Variants in UBE4B observed in about 807,000 individuals in gnomAD.
The protein encoded by UBE4B is ubiquitination factor E4B, also known as ubiquitin conjugation factor E4 B.
Under a neutral mutation model 148.1 loss-of-function variants are expected in UBE4B, and 27 were observed. The ratio of observed to expected loss-of-function variants is 0.18; its 90% CI spans 0.13 to 0.25. UBE4B has a LOEUF of 0.25. Ranked by LOEUF, UBE4B falls within the 10% of genes least tolerant of loss-of-function variation. UBE4B has a pLI of 1.00. For missense variants in UBE4B, 1,170 were observed against 1,662.4 expected, an observed-to-expected ratio of 0.70 and a Z score of 5.15; for synonymous variants, 596 against 619.3, an observed-to-expected ratio of 0.96 and a Z score of 0.56.
intron 3 of UBE4B, among the ~76,000 whole-genome samples, chr1:10,097,682 T>C (rs1644950908): frequency 6.6e-6 from 1 of 151,958 alleles, no homozygotes; most frequent in Non-Finnish European, 1.5e-5. Context: ...TGGTGGCATG[T>C]ACCTGTAGTC....
At chr1:10,138,223 G>A (rs1184767116) in intron 17 of UBE4B, among the ~76,000 whole-genome samples, 1 of 151,434 alleles carries the variant, frequency 6.6e-6, no homozygotes, top group Non-Finnish European at 1.5e-5. Context: ...TCAGTCTCCT[G>A]AGTAGCTGGG....
At chr1:10,178,569 T>C in intron 25 of UBE4B, 75 bp from the exon 26 acceptor site, 2 of 1,448,598 alleles carry the variant, frequency 1.4e-6, no homozygotes, top group Non-Finnish European at 9.2e-7. Flanking sequence ...GGATAATACT[T>C]TGGATATTTT....
At chr1:10,133,493 CAG>C (rs1459600887) in intron 15 of UBE4B, among the ~76,000 whole-genome samples, 2 of 152,132 alleles carry the variant, frequency 1.3e-5, no homozygotes, top group African/African-American at 4.8e-5. Flanking sequence ...TTTTTCTTAA[CAG>C]AGGTAATCAA....
chr1:10,138,716 G>C (rs570785380), intron 17 of UBE4B, among the ~76,000 whole-genome samples: 2 of 151,812 alleles, frequency 1.3e-5, no homozygotes, highest in East Asian at 3.9e-4. Flanking sequence ...TTTCCATCTT[G>C]TTTCAGTTGG....
At chr1:10,076,466 A>G (rs536277727) in intron 2 of UBE4B, among the ~76,000 whole-genome samples, 14 of 151,388 alleles carry the variant, frequency 9.2e-5, no homozygotes, top group African/African-American at 3.1e-4. Flanking sequence ...CTGGTCTCGA[A>G]CTCCTGACCT....
intron 1 of UBE4B, among the ~76,000 whole-genome samples, chr1:10,068,708 A>G (rs1029041507): frequency 1.3e-5 from 2 of 152,106 alleles, no homozygotes; most frequent in Non-Finnish European, 2.9e-5. Context: ...CTGGAGGTAA[A>G]CCTTTATACC....
chr1:10,070,289 A>G (rs948857761), intron 1 of UBE4B, among the ~76,000 whole-genome samples: 1 of 151,530 alleles, frequency 6.6e-6, no homozygotes, highest in East Asian at 1.9e-4. Context: ...AAAAAAAAAA[A>G]TTACATGCTA....
intron 1 of UBE4B, among the ~76,000 whole-genome samples, chr1:10,035,585 T>G (rs1643486831): frequency 6.8e-6 from 1 of 147,654 alleles, no homozygotes; most frequent in African/African-American, 2.5e-5. Flanking sequence ...TTTTTGTGTT[T>G]TTAGTAGAGA....
chr1:10,124,889 G>A (rs1018446728), intron 10 of UBE4B, among the ~76,000 whole-genome samples: 7 of 152,116 alleles, frequency 4.6e-5, no homozygotes, highest in African/African-American at 1.7e-4. Flanking sequence ...ACTTTGGGAG[G>A]CCGAGGCAGG....
intron 1 of UBE4B, among the ~76,000 whole-genome samples, chr1:10,052,767 A>C (rs981683826): frequency 1.3e-5 from 2 of 152,186 alleles, no homozygotes; most frequent in African/African-American, 4.8e-5. Flanking sequence ...TAGATGTCGT[A>C]GTTCATTTGG....
intron 1 of UBE4B, chr1:10,059,644 G>A (rs557747260): frequency 3.0e-4 from 50 of 167,936 alleles, no homozygotes; most frequent in African/African-American, 1.2e-3. Flanking sequence ...GCTGCTTAGG[G>A]CAAGGCCGAG....
In UBE4B at chr1:10,171,061, C is replaced by T. The variant is rs375253390; in HGVS notation, c.3334-77C>T. The T allele has an allele frequency of 3.9e-5, 56 of 1,450,534 alleles. 1 individual carries two copies. In the African/African-American group the frequency reaches 7.5e-4, roughly 19 times the overall value. 89.9% of individuals were successfully genotyped at this position (1,450,534 alleles called of 1,614,324 possible). ...ATTAATCCAACCAATTCCTGTTCCTCCACTGAAATGGGAGTTTTTGGTCCT... is the reference window on the plus strand; with the variant it reads ...ATTAATCCAACCAATTCCTGTTCCTTCACTGAAATGGGAGTTTTTGGTCCT... On this transcript the variant is annotated intron_variant, in intron 24 of 27. Coordinates refer to ENST00000343090, the MANE Select transcript of UBE4B (RefSeq NM_001105562.3).
At chr1:10,045,749 AG>A (rs1206019961) in intron 1 of UBE4B, among the ~76,000 whole-genome samples, 1 of 152,174 alleles carries the variant, frequency 6.6e-6, no homozygotes, top group African/African-American at 2.4e-5. Flanking sequence ...AACTGGGGTT[AG>A]TGGTTGAGAG....
chr1:10,092,796 C>T (rs930436603), intron 2 of UBE4B, among the ~76,000 whole-genome samples: 12 of 151,520 alleles, frequency 7.9e-5, no homozygotes, highest in Non-Finnish European at 1.2e-4. Flanking sequence ...CCATTGCACC[C>T]CAGCCTGGGC....
chr1:10,162,607 CTTTT>C (rs61393825), intron 23 of UBE4B, among the ~76,000 whole-genome samples: 6 of 135,160 alleles, frequency 4.4e-5, no homozygotes, highest in African/African-American at 1.6e-4. Context: ...CGCGCCCAGA[CTTTT>C]TTTTTTTTTT....
rs139993738 is a variant in UBE4B, at chr1:10,178,979, T to G, written c.3700+161T>G. The G allele has an allele frequency of 2.9e-4, 213 of 747,290 alleles. 2 individuals are homozygous for G. The East Asian group carries it at 6.6e-3, about 23-fold the overall frequency. 46.3% of individuals were successfully genotyped at this position (747,290 alleles called of 1,614,324 possible). ...TACATTTGCCTATTTTTAGCTCATA[T>G]TGTAAATTGAGAGGAAGAAACATCC... is the stretch of plus-strand genomic sequence containing the variant. On this transcript the variant is annotated intron_variant, in intron 26 of 27. Coordinates refer to ENST00000343090, the MANE Select transcript of UBE4B (RefSeq NM_001105562.3).
At position 10,106,349 on chromosome 1, in the gene UBE4B, C is replaced by T. The variant is rs1020230213; in HGVS notation, c.962C>T (p.Ala321Val). The change falls in exon 7 of 28, where the codon GCG becomes GTG. Residue 321 changes from alanine (A) to valine (V), a missense_variant. By Grantham distance (64) the Ala-to-Val change is moderately conservative. Transcript: ENST00000343090. This position sits in a 1 kb window ranked among gnomAD's most constrained non-coding sequence, Gnocchi z 4.2. ...CACAGTGCAGCCTCTGGAACTGCTG[C>T]GGGAAGCCAGCCTTCATCCCCGCGG... is the stretch of plus-strand genomic sequence containing the variant. Reference protein sequence around the residue: ...SPHSAASGTAAGSQPSSPRYR... With the variant: ...SPHSAASGTAVGSQPSSPRYR... 5.0e-6 allele frequency: 8 copies of T among 1,613,934 alleles called. No individual in the cohort carries two copies. The highest frequency in any genetic ancestry group is 5.1e-6 in the Non-Finnish European group (6 of 1,179,850).
In UBE4B at chr1:10,132,377, T is replaced by C. The variant is rs368294631; in HGVS notation, c.1920T>C (p.Leu640=). ...TTAAAAATAAATTTCAGCAAGAGCT[T>C]TTTAAGATTCTGCATAGTATTTTGT... is the stretch of plus-strand genomic sequence containing the variant. ...QHYLELGRQE[L]FKILHSILLN... is the part of the protein sequence containing the mutation. Residue 640 remains leucine (L), a synonymous_variant, in exon 15 of 28, where the codon CTT becomes CTC. Coordinates refer to ENST00000343090, the MANE Select transcript of UBE4B (RefSeq NM_001105562.3). 6.2e-7 allele frequency: 1 copy of C among 1,610,168 alleles called. No homozygotes were observed. The highest frequency in any genetic ancestry group is 1.3e-5 in the African/African-American group (1 of 74,628).
intron 10 of UBE4B, among the ~76,000 whole-genome samples, chr1:10,126,285 G>A (rs143515515): frequency 2.0e-5 from 3 of 151,748 alleles, no homozygotes; most frequent in South Asian, 2.1e-4. Context: ...GGGTGACAGA[G>A]CGAGACTCCG....
Sources: gnomAD v4.1 joint callset for allele counts (sites outside exome capture counted in the v4.1 genomes callset) on GRCh38, gnomAD v4.1.1 for gene constraint, Gnocchi (gnomAD v3.1) non-coding constraint, MANE v1.5 for transcripts, NCBI Gene and HGNC (gene_info 2026-07-23, HGNC 2026-07-21) for gene names.